Variants in CAPN2 observed in about 807,000 individuals in gnomAD.
CAPN2 encodes calpain-2 catalytic subunit.
CAPN2 carries 92 observed loss-of-function variants against 102.3 expected under a neutral mutation model. The ratio of observed to expected loss-of-function variants is 0.90; its 90% confidence interval spans 0.76 to 1.07. The LOEUF (loss-of-function observed/expected upper bound fraction) is 1.07, where lower values mean the gene tolerates loss of function less well. CAPN2 is among the 50% of genes least tolerant of loss of function. The pLI is 0.00. For missense variants in CAPN2, 800 were observed against 909.4 expected (o/e 0.88, Z 1.55); for synonymous variants, 340 against 355.4 (o/e 0.96, Z 0.49).
chr1:223,757,509 C>G, intron 11 of CAPN2, 129 bp downstream of exon 11: 1 of 953,558 alleles, frequency 1.0e-6, no homozygotes, highest in Non-Finnish European at 1.7e-6. Flanking sequence ...TCCTGGCCAC[C>G]CCTGGGGCCC....
intron 4 of CAPN2, among the ~76,000 whole-genome samples, chr1:223,746,028 C>A (rs1235184016): frequency 6.6e-6 from 1 of 152,218 alleles, no homozygotes; most frequent in East Asian, 1.9e-4. Context: ...CTCAGGGCTG[C>A]CCACTCTCAG....
intron 12 of CAPN2, among the ~76,000 whole-genome samples, chr1:223,760,266 G>A (rs1661153402): frequency 6.6e-6 from 1 of 152,200 alleles, no homozygotes; most frequent in South Asian, 2.1e-4. Flanking sequence ...CTTGGACTCT[G>A]GGTCATGTGC....
chr1:223,755,609 T>G lies in CAPN2; in HGVS notation c.1265T>G (p.Met422Arg). The change falls in exon 10 of 21, where the codon ATG (methionine) becomes AGG (arginine). Residue 422 changes from methionine to arginine, a missense_variant. By Grantham distance (91) the Met-to-Arg change is moderately conservative. Transcript: ENST00000295006. The surrounding 1 kb of genome is among the most constrained non-coding windows in gnomAD (Gnocchi z 4.1). ...AAGCACCGACGGCGGCAGAGGAAGA[T>G]GGGCGAGGACATGCACACCATCGGC... Reference protein sequence around the residue: ...IQKHRRRQRKMGEDMHTIGFG... With the variant: ...IQKHRRRQRKRGEDMHTIGFG... 3 of 1,611,242 alleles carry G rather than the reference T, an allele frequency of 1.9e-6. No individual in the cohort carries two copies. The highest frequency in any genetic ancestry group is 2.5e-6 in the Non-Finnish European group (3 of 1,178,742).
chr1:223,718,501 A>T (rs190403975), intron 2 of CAPN2, among the ~76,000 whole-genome samples: 26 of 152,372 alleles, frequency 1.7e-4, no homozygotes, highest in African/African-American at 5.8e-4. Context: ...CACCTTTAGT[A>T]TGAAAATTCC....
At chr1:223,773,041 G>A (rs1446667423) in intron 20 of CAPN2, 1 of 152,218 alleles carries the variant, frequency 6.6e-6, no homozygotes, top group Non-Finnish European at 1.5e-5. Context: ...GTGGTGAGGA[G>A]GGCAGGTCTA....
chr1:223,712,852 G>T lies in CAPN2; in HGVS notation c.212G>T (p.Arg71Leu), dbSNP rs1342272800. 4 of 1,550,526 alleles carry T rather than the reference G, an allele frequency of 2.6e-6. No individual in the cohort carries two copies. Among genetic ancestry groups the T allele is most frequent in the Middle Eastern group, 3.4e-4 (2 of 5,902 alleles). Residue 71 changes from arginine to leucine, a missense_variant, in exon 1 of 21, where the codon CGG (arginine) becomes CTG (leucine). Transcript: ENST00000295006. Reference sequence around the variant, plus strand: ...TTGGGGCCCTACTCCAGCAAAACCCGGGGCATCGAGTGGAAGCGCCCCACG... The same window carrying T: ...TTGGGGCCCTACTCCAGCAAAACCCTGGGCATCGAGTGGAAGCGCCCCACG... ...KELGPYSSKT[R>L]GIEWKRPTEI...
At chr1:223,733,826 G>C (rs1483178380) in intron 2 of CAPN2, among the ~76,000 whole-genome samples, 1 of 152,220 alleles carries the variant, frequency 6.6e-6, no homozygotes, top group Non-Finnish European at 1.5e-5. Flanking sequence ...TCCCAGAATG[G>C]GCCAGAGAGA....
At chr1:223,729,953 G>T (rs761166812) in intron 2 of CAPN2, among the ~76,000 whole-genome samples, 2 of 135,180 alleles carry the variant, frequency 1.5e-5, no homozygotes, top group Admixed American at 1.7e-4. Flanking sequence ...AGTGAGCCAG[G>T]ATTGCACCAC....
intron 6 of CAPN2, 103 bp from the exon 7 acceptor site, chr1:223,750,787 C>A (rs575202082): frequency 4.4e-5 from 46 of 1,054,646 alleles, no homozygotes; most frequent in Middle Eastern, 4.0e-4. Flanking sequence ...CCGTCCTCAG[C>A]CCCATACCTC....
intron 7 of CAPN2, among the ~76,000 whole-genome samples, chr1:223,751,279 G>A (rs1241664589): frequency 6.6e-6 from 1 of 152,182 alleles, no homozygotes; most frequent in East Asian, 1.9e-4. Flanking sequence ...GGCTTTCAGG[G>A]AAAAAAATAC....
chr1:223,762,208 T>TATC lies in CAPN2; in HGVS notation c.1589_1590insATC (p.Ile530_Asp531insSer), dbSNP rs1291286531. 9 of 1,613,944 alleles carry TATC rather than the reference T, an allele frequency of 5.6e-6. No individual in the cohort carries two copies. The highest frequency in any genetic ancestry group is 1.3e-5 in the African/African-American group (1 of 75,024). ...CAGTTCGACATCAGCGAGGATGACA[T>TATC]TGATGATGGATTCAGGAGACTGTTT... On this transcript the variant is annotated inframe_insertion, in exon 14 of 21. Transcript: ENST00000295006.
rs1660916641 is a variant in CAPN2, at chr1:223,752,093, G to A, written c.974+22G>A. 3.2e-6 allele frequency: 5 copies of A among 1,546,506 alleles called. No individual in the cohort carries two copies. In the East Asian group the frequency reaches 9.0e-5, roughly 28 times the overall value. ...TCTGGTAAGATTAGTGGAGGCTTCAGGGAAAGCTCTGTCTGCCCCAATGTT... is the reference window on the plus strand; with the variant it reads ...TCTGGTAAGATTAGTGGAGGCTTCAAGGAAAGCTCTGTCTGCCCCAATGTT... On this transcript the variant is annotated intron_variant, in intron 8 of 20. Transcript: ENST00000295006.
rs1243566712 is a variant in CAPN2 at position 223,749,097 on chromosome 1, C to T, written c.788C>T (p.Ala263Val). 3.1e-6 allele frequency: 5 copies of T among 1,613,972 alleles called. No homozygotes were observed. The highest frequency in any genetic ancestry group is 4.2e-6 in the Non-Finnish European group (5 of 1,179,954). ...ITFQKLVKGHAYSVTGAEEVE... is the reference protein window; with the variant it reads ...ITFQKLVKGHVYSVTGAEEVE... ...TTTCAGAAGCTGGTGAAGGGGCACG[C>T]GTACTCGGTCACCGGAGCCGAGGAG... The change falls in exon 6 of 21, where the codon GCG (alanine) becomes GTG (valine). Residue 263 changes from alanine to valine, a missense_variant. Coordinates refer to ENST00000295006, the MANE Select transcript of CAPN2 (RefSeq NM_001748.5).
intron 1 of CAPN2, among the ~76,000 whole-genome samples, chr1:223,702,108 A>AGGAT (rs1232128763): frequency 7.4e-6 from 1 of 134,804 alleles, no homozygotes. Flanking sequence ...GAAGGAAAGA[A>AGGAT]GGAAGGAAGG....
At position 223,755,395 on chromosome 1, in the gene CAPN2, G is replaced by T; in HGVS notation, c.1136-85G>T. Reference sequence around the variant, plus strand: ...CCCTTTATCTCCATCCCTCTCAGAAGCCTCCAAGCCTGAGACCAGGGCCAC... The same window carrying T: ...CCCTTTATCTCCATCCCTCTCAGAATCCTCCAAGCCTGAGACCAGGGCCAC... On this transcript the variant is annotated intron_variant, in intron 9 of 20. Transcript: ENST00000295006. The surrounding 1 kb of genome is among the most constrained non-coding windows in gnomAD (Gnocchi z 4.1). The T allele has an allele frequency of 7.4e-7, 1 of 1,350,164 alleles. No individual in the cohort carries two copies. Among genetic ancestry groups the T allele is most frequent in the Non-Finnish European group, 1.0e-6 (1 of 964,418 alleles). 83.6% of individuals were successfully genotyped at this position (1,350,164 alleles called of 1,614,324 possible).
At position 223,747,026 on chromosome 1, in the gene CAPN2, G is replaced by T. The variant is rs1660766939; in HGVS notation, c.590G>T (p.Gly197Val). 6.2e-7 allele frequency: 1 copy of T among 1,613,844 alleles called. No individual in the cohort carries two copies. Among genetic ancestry groups the T allele is most frequent in the Non-Finnish European group, 8.5e-7 (1 of 1,179,914 alleles). Residue 197 changes from glycine (G) to valine (V), a missense_variant, in exon 5 of 21, where the codon GGG becomes GTG. Transcript: ENST00000295006. ...KINGCYEALSGGATTEGFEDF... is the reference protein window; with the variant it reads ...KINGCYEALSVGATTEGFEDF... ...AACGGATGCTATGAAGCGCTATCAG[G>T]GGGTGCCACCACTGAGGGCTTCGAA...
At chr1:223,769,760 A>G in intron 16 of CAPN2, 81 bp from the exon 17 acceptor site, 5 of 1,034,158 alleles carry the variant, frequency 4.8e-6, no homozygotes, top group Non-Finnish European at 7.4e-6. Context: ...TGATATTCAA[A>G]AGATCCAGTT....
chr1:223,712,637 C>T lies in CAPN2; in HGVS notation c.-4C>T. 1 of 1,523,610 alleles carries T rather than the reference C, an allele frequency of 6.6e-7. No homozygotes were observed. Among genetic ancestry groups the T allele is most frequent in the Non-Finnish European group, 8.8e-7 (1 of 1,135,356 alleles). 94.4% of individuals were successfully genotyped at this position (1,523,610 alleles called of 1,614,324 possible). ...CTGCGCAGTACGGCCGCCGGGACCGCAGCATGGCGGGCATCGCGGCCAAGC... is the reference window on the plus strand; with the variant it reads ...CTGCGCAGTACGGCCGCCGGGACCGTAGCATGGCGGGCATCGCGGCCAAGC... On this transcript the variant is annotated 5_prime_UTR_variant, in exon 1 of 21. Transcript: ENST00000295006.
chr1:223,762,182 C>G lies in CAPN2; in HGVS notation c.1567-4C>G. The G allele has an allele frequency of 6.2e-7, 1 of 1,613,360 alleles. No homozygotes were observed. The highest frequency in any genetic ancestry group is 8.5e-7 in the Non-Finnish European group (1 of 1,179,450). ...CATTCTCATGTCTCTGCCTCACCTT[C>G]CAGTTCGACATCAGCGAGGATGACA... On this transcript the variant is annotated splice_region_variant and splice_polypyrimidine_tract_variant and intron_variant, in intron 13 of 20. Coordinates refer to ENST00000295006, the MANE Select transcript of CAPN2 (RefSeq NM_001748.5).
Sources: gnomAD v4.1 joint callset for allele counts (sites outside exome capture counted in the v4.1 genomes callset) on GRCh38, gnomAD v4.1.1 for gene constraint, Gnocchi (gnomAD v3.1) non-coding constraint, MANE v1.5 for transcripts, NCBI Gene and HGNC (gene_info 2026-07-23, HGNC 2026-07-21) for gene names.